PLEKHG1: variants seen among roughly 807,000 people sequenced by gnomAD.
The protein encoded by PLEKHG1 is pleckstrin homology and RhoGEF domain containing G1.
PLEKHG1 carries 44 observed loss-of-function variants against 100.8 expected under a neutral mutation model. The ratio of observed to expected loss-of-function variants is 0.44; its 90% CI spans 0.34 to 0.56. The LOEUF (loss-of-function observed/expected upper bound fraction) is 0.56, where lower values mean the gene tolerates loss of function less well. Among genes scored for constraint, PLEKHG1 ranks in the 20% least tolerant of loss-of-function variants. The pLI, the probability that PLEKHG1 is intolerant of heterozygous loss-of-function variation, is 0.01. For missense variants in PLEKHG1, 1,545 were observed against 1,720.9 expected, an observed-to-expected ratio of 0.90 and a Z score of 1.81; for synonymous variants, 640 against 662.5, an observed-to-expected ratio of 0.97 and a Z score of 0.52.
At chr6:150,780,484 G>A (rs1268745372) in intron 3 of PLEKHG1, among the ~76,000 whole-genome samples, 5 of 151,774 alleles carry the variant, frequency 3.3e-5, no homozygotes, top group East Asian at 1.9e-4. Context: ...ATGTGATTTC[G>A]ACTCTCCTTA....
intron 3 of PLEKHG1, among the ~76,000 whole-genome samples, chr6:150,777,506 C>A (rs1785050311): frequency 6.7e-6 from 1 of 148,546 alleles, no homozygotes; most frequent in African/African-American, 2.5e-5. Flanking sequence ...ACATTACTCA[C>A]ACTGATGCAA....
intron 3 of PLEKHG1, among the ~76,000 whole-genome samples, chr6:150,709,371 T>C (rs1781160253): frequency 1.3e-5 from 2 of 152,130 alleles, no homozygotes; most frequent in South Asian, 4.1e-4. Context: ...ATAAAAAGCA[T>C]TTTCCTGCAC....
chr6:150,628,527 A>AGCACACACACACAC (rs1358863303), intron 1 of PLEKHG1, among the ~76,000 whole-genome samples: 4 of 94,760 alleles, frequency 4.2e-5, no homozygotes, highest in South Asian at 9.4e-4. Context: ...TAGATAGGAA[A>AGCACACACACACAC]ACACACACAC....
In PLEKHG1 at chr6:150,821,242, T is replaced by C; in HGVS notation, c.1447+9T>C. 6.3e-7 allele frequency: 1 copy of C among 1,589,130 alleles called. No homozygotes were observed. The highest frequency in any genetic ancestry group is 8.6e-7 in the Non-Finnish European group (1 of 1,157,444). On this transcript the variant is annotated intron_variant, in intron 13 of 15. Coordinates refer to ENST00000358517, the Ensembl canonical transcript of PLEKHG1. ...AGTTTTGAAGACCAGTGGTAAGTCG[T>C]AAAATATATTTTCCTGTTTCATTCT...
chr6:150,831,279 G>A lies in PLEKHG1; in HGVS notation c.2168G>A (p.Gly723Asp), dbSNP rs201242167. 5 of 1,613,778 alleles carry A rather than the reference G, an allele frequency of 3.1e-6. No individual in the cohort carries two copies. Among genetic ancestry groups the A allele is most frequent in the Non-Finnish European group, 4.2e-6 (5 of 1,179,826 alleles). ...GCACAAACAGATGGCACCCTCTCAGGTGGAGAGGCATCCAGCCAAAGCACG... is the reference window on the plus strand; with the variant it reads ...GCACAAACAGATGGCACCCTCTCAGATGGAGAGGCATCCAGCCAAAGCACG... Residue 723 changes from glycine (G) to aspartate (D), a missense_variant, in exon 15 of 16, where the codon GGT becomes GAT. Transcript: ENST00000358517. This position sits in a 1 kb window ranked among gnomAD's most constrained non-coding sequence, Gnocchi z 4.1.
chr6:150,840,067 C>T (rs763394489), exon 16 of PLEKHG1: 1 of 1,613,962 alleles, frequency 6.2e-7, no homozygotes, highest in South Asian at 1.1e-5. Flanking sequence ...TCAAGATATC[C>T]CACGTTTGAG....
intron 4 of PLEKHG1, among the ~76,000 whole-genome samples, chr6:150,790,949 G>C (rs960699541): frequency 2.0e-5 from 3 of 152,234 alleles, no homozygotes; most frequent in African/African-American, 7.2e-5. Flanking sequence ...CTTGAACCCA[G>C]GAGGTGGAGG....
rs190303521 is a variant in PLEKHG1 at position 150,710,509 on chromosome 6, A to G, written c.-98-23075A>G. Among the ~76,000 whole-genome samples the G allele has an allele frequency of 3.4e-3, 525 of 152,232 alleles. 5 individuals are homozygous for G. Among genetic ancestry groups the G allele is most frequent in the African/African-American group, 0.012 (513 of 41,534 alleles). Reference sequence around the variant, plus strand: ...GGTTACCGCCCAAGCAGCTCTGCCCACTGTCTGGAGGAGAAAGAAAAGGTG... The same window carrying G: ...GGTTACCGCCCAAGCAGCTCTGCCCGCTGTCTGGAGGAGAAAGAAAAGGTG... On this transcript the variant is annotated intron_variant, in intron 3 of 3. Coordinates refer to the PLEKHG1 transcript ENST00000367326.
At chr6:150,742,323 C>T (rs1302199945) in intron 2 of PLEKHG1, among the ~76,000 whole-genome samples, 1 of 151,976 alleles carries the variant, frequency 6.6e-6, no homozygotes, top group South Asian at 2.1e-4. Flanking sequence ...ATCCAGCACT[C>T]GGGGAGGCCG....
intron 2 of PLEKHG1, among the ~76,000 whole-genome samples, chr6:150,751,986 C>T (rs867000673): frequency 6.6e-6 from 1 of 152,020 alleles, no homozygotes; most frequent in African/African-American, 2.4e-5. Context: ...ATCAGGAGTT[C>T]GAGACTAGCC....
chr6:150,720,210 G>A (rs1345911636), upstream of PLEKHG1, among the ~76,000 whole-genome samples: 2 of 152,158 alleles, frequency 1.3e-5, no homozygotes, highest in Non-Finnish European at 2.9e-5. Context: ...TGCTTCTGGA[G>A]ACCTTCGTTT....
intron 3 of PLEKHG1, among the ~76,000 whole-genome samples, chr6:150,713,441 C>T (rs1781310719): frequency 6.6e-6 from 1 of 152,102 alleles, no homozygotes; most frequent in Non-Finnish European, 1.5e-5. Context: ...CAGTGCAAAC[C>T]ACCCACGTCA....
intron 10 of PLEKHG1, among the ~76,000 whole-genome samples, chr6:150,810,132 A>G (rs150307050): frequency 0.028 from 4,198 of 152,014 alleles, 66 homozygotes; most frequent in Non-Finnish European, 0.043. Flanking sequence ...CCCCATCTCT[A>G]CAAAAAATAT....
Position 150,709,960 on chromosome 6 carries a change from T to A in PLEKHG1, c.-98-23624T>A, listed in dbSNP as rs545877598. Among the ~76,000 whole-genome samples the A allele has an allele frequency of 4.0e-5, 6 of 151,418 alleles. No homozygotes were observed. The East Asian group carries it at 5.8e-4, about 15-fold the overall frequency. On this transcript the variant is annotated intron_variant, in intron 3 of 3. Transcript: ENST00000367326. ...GCCACTACACCCAGCTAATTTTTTT[T>A]ATTTTTTTGTAGAGATGGGGTCTCA...
At chr6:150,736,874 G>A (rs984765681) in intron 2 of PLEKHG1, among the ~76,000 whole-genome samples, 3 of 151,992 alleles carry the variant, frequency 2.0e-5, no homozygotes, top group African/African-American at 7.2e-5. Context: ...TTATTGTTTT[G>A]GTTATTTCTA....
At chr6:150,728,026 C>T (rs1011373085) in intron 1 of PLEKHG1, among the ~76,000 whole-genome samples, 5 of 152,150 alleles carry the variant, frequency 3.3e-5, no homozygotes, top group African/African-American at 1.2e-4. Flanking sequence ...TCAGTTAGCC[C>T]AGTATCTGCT....
At chr6:150,833,713 T>G (rs1462208257) in intron 15 of PLEKHG1, among the ~76,000 whole-genome samples, 1 of 152,212 alleles carries the variant, frequency 6.6e-6, no homozygotes, top group East Asian at 1.9e-4. Context: ...TCAAATAGTA[T>G]GCCCTTTTCA....
intron 2 of PLEKHG1, among the ~76,000 whole-genome samples, chr6:150,737,782 G>C (rs919617117): frequency 6.6e-6 from 1 of 152,142 alleles, no homozygotes; most frequent in East Asian, 1.9e-4. Context: ...CTGCCTAAAA[G>C]ACGGACTTTT....
intron 10 of PLEKHG1, among the ~76,000 whole-genome samples, chr6:150,815,505 T>G (rs943798383): frequency 2.6e-5 from 4 of 152,230 alleles, no homozygotes; most frequent in Non-Finnish European, 5.9e-5. Context: ...GTATTTTGCA[T>G]TTTATATATT....
Sources: allele counts gnomAD v4.1 joint callset (sites outside exome capture counted in the v4.1 genomes callset), GRCh38; gene constraint gnomAD v4.1.1; non-coding constraint Gnocchi (gnomAD v3.1); transcripts MANE v1.5; gene names NCBI Gene and HGNC (gene_info 2026-07-23, HGNC 2026-07-21).